The following AVEN variants were observed in gnomAD, a reference collection of about 807,000 sequenced individuals.
AVEN encodes the protein apoptosis and caspase activation inhibitor.
AVEN carries 41 observed loss-of-function variants against 38.1 expected under a neutral mutation model. The observed-to-expected ratio is 1.08, with a 90% CI of 0.84 to 1.40. The LOEUF (loss-of-function observed/expected upper bound fraction) is 1.40, where lower values mean the gene tolerates loss of function less well. Among genes scored for constraint, AVEN ranks in the 40% most tolerant of loss-of-function variants. The probability of loss-of-function intolerance (pLI) is 0.00; values close to 1 mark genes in which losing one functional copy is unlikely to be tolerated. For missense variants in AVEN, 605 were observed against 438.8 expected, an observed-to-expected ratio of 1.38 and a Z score of -3.38; for synonymous variants, 206 against 171.8, an observed-to-expected ratio of 1.20 and a Z score of -1.56.
intron 2 of AVEN, among the ~76,000 whole-genome samples, chr15:33,959,482 T>C (rs1895085285): frequency 6.6e-6 from 1 of 152,116 alleles, no homozygotes; most frequent in African/African-American, 2.4e-5. Flanking sequence ...CACTACTCCC[T>C]ACACTTCAGT....
chr15:33,927,268 T>G (rs534418313), intron 2 of AVEN, among the ~76,000 whole-genome samples: 2 of 151,676 alleles, frequency 1.3e-5, no homozygotes, highest in African/African-American at 4.8e-5. Flanking sequence ...ATAATAATAA[T>G]AATAATAATA....
At chr15:34,054,584 C>T (rs1004244703) in intron 5 of AVEN, among the ~76,000 whole-genome samples, 5 of 152,060 alleles carry the variant, frequency 3.3e-5, no homozygotes, top group Admixed American at 6.6e-5. Context: ...GAACAGAAAA[C>T]GAAAACTAAA....
At chr15:33,896,462 A>G (rs1567402167) in intron 2 of AVEN, among the ~76,000 whole-genome samples, 1 of 152,104 alleles carries the variant, frequency 6.6e-6, no homozygotes, top group African/African-American at 2.4e-5. Flanking sequence ...TCTTTCTTGC[A>G]TTCATGTTAA....
At chr15:33,945,710 T>C (rs958443684) in intron 2 of AVEN, among the ~76,000 whole-genome samples, 2 of 152,086 alleles carry the variant, frequency 1.3e-5, no homozygotes, top group African/African-American at 4.8e-5. Flanking sequence ...CTCAGCCTCC[T>C]GAGTAGCTGG....
In AVEN at chr15:33,925,740, G is replaced by T. The variant is rs889343936; in HGVS notation, c.446-49745C>A. Among the ~76,000 whole-genome samples the T allele has an allele frequency of 2.6e-5, 4 of 152,278 alleles. No homozygotes were observed. The South Asian group carries it at 6.2e-4, about 24-fold the overall frequency. ...AATTTATATGCTGATACTCTCTTTA[G>T]TGGGAGAAAGAATTTCAAATCATGG... On this transcript the variant is annotated intron_variant, in intron 2 of 5. Transcript: ENST00000306730.
At chr15:33,900,304 G>A (rs916934680) in intron 2 of AVEN, among the ~76,000 whole-genome samples, 3 of 99,564 alleles carry the variant, frequency 3.0e-5, no homozygotes, top group Non-Finnish European at 6.7e-5. Flanking sequence ...AGTTTTGGGA[G>A]AACATTTTTT....
intron 2 of AVEN, among the ~76,000 whole-genome samples, chr15:34,002,607 T>C (rs986877763): frequency 2.0e-5 from 3 of 152,132 alleles, no homozygotes; most frequent in African/African-American, 7.2e-5. Flanking sequence ...AATATGTGCA[T>C]ATCCACTACT....
intron 2 of AVEN, among the ~76,000 whole-genome samples, chr15:33,886,186 C>A (rs1278925917): frequency 6.6e-6 from 1 of 152,176 alleles, no homozygotes; most frequent in Non-Finnish European, 1.5e-5. Flanking sequence ...CAAATCTCAT[C>A]TTGAATTGTA....
chr15:34,061,739 G>T (rs1900339693), intron 5 of AVEN, among the ~76,000 whole-genome samples: 1 of 152,168 alleles, frequency 6.6e-6, no homozygotes, highest in South Asian at 2.1e-4. Flanking sequence ...GGAACAGAGA[G>T]AAGGTCCTTA....
At chr15:34,031,134 A>C (rs1299693510) in intron 1 of AVEN, among the ~76,000 whole-genome samples, 1 of 148,600 alleles carries the variant, frequency 6.7e-6, no homozygotes, top group African/African-American at 2.5e-5. Context: ...TTTTTGTAAC[A>C]GCCTATTATC....
intron 4 of AVEN, 135 bp from the exon 5 acceptor site, chr15:33,867,990 C>T: frequency 7.9e-7 from 1 of 1,260,024 alleles, no homozygotes; most frequent in Non-Finnish European, 1.1e-6. Context: ...CACAAAGTGG[C>T]TCCTTTCCAG....
intron 1 of AVEN, among the ~76,000 whole-genome samples, chr15:34,071,502 C>T (rs1900624572): frequency 6.6e-6 from 1 of 152,070 alleles, no homozygotes; most frequent in Non-Finnish European, 1.5e-5. Flanking sequence ...TCTCGAACTC[C>T]TGAGCTCAAG....
In AVEN at chr15:33,866,290, TCAG is replaced by T. The variant is rs1317511109; in HGVS notation, c.*320_*322del. 3 of 286,362 alleles carry T rather than the reference TCAG, an allele frequency of 1.0e-5. No homozygotes were observed. Among genetic ancestry groups the T allele is most frequent in the African/African-American group, 2.2e-5 (1 of 46,276 alleles). The allele number at this position is 286,362 out of a possible 1,614,324, so 17.7% of individuals were successfully genotyped here. A position where few individuals can be genotyped will look rare whatever the true frequency, so the allele number is the denominator to read the frequency against. On this transcript the variant is annotated 3_prime_UTR_variant, in exon 6 of 6. Transcript: ENST00000306730. Reference sequence around the variant, plus strand: ...GCCTTGTTTGCATCTATTCTCTTAATCAGCAGCAGCATCTGCTATGCTGTAAAC... The same window carrying T: ...GCCTTGTTTGCATCTATTCTCTTAATCAGCAGCATCTGCTATGCTGTAAAC...
chr15:34,026,679 T>TA (rs141813364), intron 1 of AVEN, among the ~76,000 whole-genome samples: 2,694 of 152,286 alleles, frequency 0.018, 43 homozygotes, highest in South Asian at 0.073. Context: ...AAAAAAATGA[T>TA]AGACTATCAC....
At chr15:33,863,160 T>TTGAGGGGAAAGAACCCAATTTTA (rs1889093001), downstream of AVEN, among the ~76,000 whole-genome samples, 3 of 152,212 alleles carry the variant, frequency 2.0e-5, no homozygotes, top group South Asian at 6.2e-4. Context: ...AGGAGCAAGC[T>TTGAGGGGAAAGAACCCAATTTTA]TGAGGGGAAA....
At chr15:33,939,890 G>A (rs917403333) in intron 2 of AVEN, among the ~76,000 whole-genome samples, 5 of 152,078 alleles carry the variant, frequency 3.3e-5, no homozygotes, top group African/African-American at 4.8e-5. Context: ...TTTCTATTGT[G>A]GTAGAAAACA....
At chr15:33,936,922 G>C (rs2153052477) in intron 2 of AVEN, among the ~76,000 whole-genome samples, 1 of 152,050 alleles carries the variant, frequency 6.6e-6, no homozygotes, top group African/African-American at 2.4e-5. Context: ...ACGAGGTCAG[G>C]AGATCGAGAC....
intron 1 of AVEN, among the ~76,000 whole-genome samples, chr15:34,032,013 G>A (rs1164695623): frequency 5.6e-4 from 54 of 96,788 alleles, no homozygotes; most frequent in Non-Finnish European, 3.4e-4. Flanking sequence ...ACACACATAC[G>A]CGCGCACACG....
chr15:33,935,640 A>C (rs1399765701), intron 2 of AVEN, among the ~76,000 whole-genome samples: 3 of 152,108 alleles, frequency 2.0e-5, no homozygotes, highest in Non-Finnish European at 4.4e-5. Context: ...TTGTATGCTG[A>C]CTACATGGAA....
Sources: allele counts gnomAD v4.1 joint callset (sites outside exome capture counted in the v4.1 genomes callset), GRCh38; gene constraint gnomAD v4.1.1; transcripts MANE v1.5; gene names NCBI Gene and HGNC (gene_info 2026-07-23, HGNC 2026-07-21).